The following ELK3 variants were observed in gnomAD, a reference collection of about 807,000 sequenced individuals.
ELK3 encodes the protein ETS domain-containing protein Elk-3.
In ELK3, 10 loss-of-function variants were observed where a neutral mutation model predicts 28.9. The ratio of observed to expected loss-of-function variants is 0.35; its 90% CI spans 0.21 to 0.59. The LOEUF (loss-of-function observed/expected upper bound fraction) is 0.59. ELK3 is among the 20% of genes least tolerant of loss of function. The pLI, the probability that ELK3 is intolerant of heterozygous loss-of-function variation, is 0.82. For synonymous variants in ELK3, 272 were observed against 243.5 expected (o/e 1.12, Z -1.09); for missense variants, 463 against 517.3 (o/e 0.90, Z 1.02).
chr12:96,249,303 CCT>C (rs1455010945), intron 3 of ELK3, among the ~76,000 whole-genome samples: 4 of 152,212 alleles, frequency 2.6e-5, no homozygotes, highest in East Asian at 3.8e-4. Context: ...GGGCCACTGT[CCT>C]CTCCACGCTT....
At chr12:96,195,528 G>C (rs571320039) in intron 1 of ELK3, among the ~76,000 whole-genome samples, 18 of 152,282 alleles carry the variant, frequency 1.2e-4, no homozygotes, top group African/African-American at 4.1e-4. Flanking sequence ...TAGTTAAAAA[G>C]CAAAAATAAA....
At position 96,199,480 on chromosome 12, in the gene ELK3, CTGTGTG is replaced by C. The variant is rs10678770; in HGVS notation, c.-3+4804_-3+4809del. Reference sequence around the variant, plus strand: ...GAGCAGCCCCAGTAAATAAAATTAGCTGTGTGTGTGTGTGTGTGTGTGTGTGTGTGT... The same window carrying C: ...GAGCAGCCCCAGTAAATAAAATTAGCTGTGTGTGTGTGTGTGTGTGTGTGT... On this transcript the variant is annotated intron_variant, in intron 1 of 4. Transcript: ENST00000228741. Among the ~76,000 whole-genome samples the C allele has an allele frequency of 4.2e-3, 612 of 146,458 alleles. 4 individuals are homozygous for C. Among genetic ancestry groups the C allele is most frequent in the African/African-American group, 0.012 (493 of 39,544 alleles).
intron 1 of ELK3, among the ~76,000 whole-genome samples, chr12:96,195,811 C>T (rs1565774582): frequency 6.6e-6 from 1 of 152,118 alleles, no homozygotes; most frequent in Non-Finnish European, 1.5e-5. Flanking sequence ...TTTGCTCCTT[C>T]TTAGGTTTAT....
intron 2 of ELK3, among the ~76,000 whole-genome samples, chr12:96,229,714 T>C (rs1951727976): frequency 1.3e-5 from 2 of 152,012 alleles, no homozygotes; most frequent in African/African-American, 2.4e-5. Context: ...GTGTTTTTAG[T>C]AGAGATGGGG....
At chr12:96,266,089 C>A (rs966946795) in intron 4 of ELK3, among the ~76,000 whole-genome samples, 2 of 152,172 alleles carry the variant, frequency 1.3e-5, no homozygotes, top group East Asian at 3.8e-4. Flanking sequence ...ACAAAACTTA[C>A]GTTACAGCTC....
chr12:96,209,916 CT>C (rs79776657), intron 1 of ELK3, among the ~76,000 whole-genome samples: 370 of 142,020 alleles, frequency 2.6e-3, no homozygotes, highest in East Asian at 8.8e-3. Flanking sequence ...ACTTTTTCTC[CT>C]TTTTTTTTTT....
intron 1 of ELK3, among the ~76,000 whole-genome samples, chr12:96,195,044 C>T (rs1401855494): frequency 2.6e-5 from 4 of 151,774 alleles, no homozygotes; most frequent in African/African-American, 9.7e-5. Context: ...CCTGGGAGCT[C>T]GCCCAGGGCC....
chr12:96,260,150 G>A (rs7971431), intron 4 of ELK3, among the ~76,000 whole-genome samples: 152,325 of 152,326 alleles, frequency 1, 76,162 homozygotes, highest in Non-Finnish European at 1. Flanking sequence ...AAAACTTTAA[G>A]AATTATTCTT....
intron 1 of ELK3, among the ~76,000 whole-genome samples, chr12:96,200,960 G>A (rs1263637457): frequency 3.9e-5 from 6 of 152,114 alleles, no homozygotes; most frequent in African/African-American, 1.2e-4. Context: ...ACCATGCCTG[G>A]CCTCTGGCTA....
chr12:96,237,600 C>A (rs1293178153), intron 2 of ELK3, among the ~76,000 whole-genome samples: 2 of 152,190 alleles, frequency 1.3e-5, no homozygotes, highest in Non-Finnish European at 2.9e-5. Flanking sequence ...CATGGGGCCA[C>A]CCATAGGAGA....
intron 2 of ELK3, among the ~76,000 whole-genome samples, chr12:96,241,426 TTGTGTGTGTGTGTG>T (rs57658963): frequency 1.4e-5 from 2 of 146,348 alleles, no homozygotes; most frequent in Non-Finnish European, 1.5e-5. Flanking sequence ...AGTGGAGCGT[TTGTGTGTGTGTGTG>T]TGTGTGTGTG....
intron 4 of ELK3, among the ~76,000 whole-genome samples, chr12:96,265,604 GGGAGGT>G (rs1565794886): frequency 1.3e-5 from 2 of 152,182 alleles, no homozygotes; most frequent in South Asian, 4.2e-4. Flanking sequence ...GAGGATGGCT[GGGAGGT>G]GGAGGTTGCA....
rs112658818 is a variant in ELK3 at position 96,225,250 on chromosome 12, T to C, written c.207+1477T>C. ...TGAGACTCAAAAAGCATTTTCATTG[T>C]TTTCAATCAAGGTATCAAAAAAAGA... On this transcript the variant is annotated intron_variant, in intron 2 of 4. Transcript: ENST00000228741. 5.6e-4 allele frequency among the ~76,000 whole-genome samples: 85 copies of C among 152,314 alleles called. 2 individuals are homozygous for C. The highest frequency in any genetic ancestry group is 1.9e-3 in the African/African-American group (78 of 41,566).
At chr12:96,212,642 C>T (rs972142388) in intron 1 of ELK3, 5 of 152,092 alleles carry the variant, frequency 3.3e-5, no homozygotes, top group African/African-American at 7.2e-5. Context: ...TTGGGAAGGC[C>T]GGGTGACCAG....
intron 1 of ELK3, among the ~76,000 whole-genome samples, chr12:96,196,747 GT>G (rs56206854): frequency 0.025 from 3,440 of 137,144 alleles, 92 homozygotes; most frequent in African/African-American, 0.068. Context: ...CTCTAAAAGT[GT>G]TTTTTTTTTT....
chr12:96,202,484 C>T (rs1951513520), intron 1 of ELK3, among the ~76,000 whole-genome samples: 1 of 146,948 alleles, frequency 6.8e-6, no homozygotes, highest in African/African-American at 2.5e-5. Context: ...AGATCTCCCT[C>T]AGTCATCTGC....
intron 1 of ELK3, among the ~76,000 whole-genome samples, chr12:96,197,378 C>T (rs571117617): frequency 2.0e-5 from 3 of 151,994 alleles, no homozygotes; most frequent in African/African-American, 7.2e-5. Flanking sequence ...TTTTTTTGCC[C>T]AAAATGTCTA....
chr12:96,236,966 C>CT (rs1951789327), intron 2 of ELK3, among the ~76,000 whole-genome samples: 1 of 152,182 alleles, frequency 6.6e-6, no homozygotes, highest in Admixed American at 6.5e-5. Flanking sequence ...TGTTCCTTGA[C>CT]TTGCAGCTGC....
At chr12:96,224,738 T>A (rs897251257) in intron 2 of ELK3, among the ~76,000 whole-genome samples, 2 of 152,264 alleles carry the variant, frequency 1.3e-5, no homozygotes. Flanking sequence ...GAATCTGTTG[T>A]TGCTGAATAT....
Sources: gnomAD v4.1 joint callset for allele counts (sites outside exome capture counted in the v4.1 genomes callset) on GRCh38, gnomAD v4.1.1 for gene constraint, MANE v1.5 for transcripts, NCBI Gene and HGNC (gene_info 2026-07-23, HGNC 2026-07-21) for gene names.